The following FAN1 variants were observed in gnomAD, a reference collection of about 807,000 sequenced individuals.
The protein encoded by FAN1 is fanconi-associated nuclease 1.
A neutral mutation model predicts 104.9 loss-of-function variants in FAN1; 91 were observed. That is an observed-to-expected ratio of 0.87 (90% CI 0.73 to 1.03). The LOEUF (loss-of-function observed/expected upper bound fraction) is 1.03, where lower values mean the gene tolerates loss of function less well. Among genes scored for constraint, FAN1 ranks in the 50% least tolerant of loss-of-function variants. The pLI is 0.00. For synonymous variants in FAN1, 478 were observed against 457.6 expected, an observed-to-expected ratio of 1.04 and a Z score of -0.57; for missense variants, 1,263 against 1,239.9, an observed-to-expected ratio of 1.02 and a Z score of -0.28.
chr15:30,929,591 TTA>T (rs1411582494), intron 12 of FAN1, among the ~76,000 whole-genome samples, 194 bp downstream of exon 12: 2 of 130,954 alleles, frequency 1.5e-5, no homozygotes, highest in Non-Finnish European at 3.1e-5. Flanking sequence ...ATATTATATA[TTA>T]TATATTACAT....
At chr15:30,937,447 C>CTTTTTTT (rs11317050) in intron 14 of FAN1, among the ~76,000 whole-genome samples, 188 bp downstream of exon 14, 1 of 78,978 alleles carries the variant, frequency 1.3e-5, no homozygotes, top group Non-Finnish European at 2.4e-5. Flanking sequence ...GGGTAATAAA[C>CTTTTTTT]TTTTTTTTTT....
rs752820596 is a variant in FAN1 at position 30,904,690 on chromosome 15, C to CA, written c.34dup (p.Arg12LysfsTer4). On this transcript the variant is annotated frameshift_variant, in exon 2 of 15. Transcript: ENST00000362065. LOFTEE classifies it high-confidence loss of function. The stretch of plus-strand genomic sequence containing the variant: ...TGATGTCAGAAGGGAAACCTCCTGA[C>CA]AAAAAAAGGCCTCGTAGAAGCTTAT... 43 of 1,603,202 alleles carry CA rather than the reference C, an allele frequency of 2.7e-5. No individual in the cohort carries two copies. Among genetic ancestry groups the CA allele is most frequent in the African/African-American group, 2.6e-4 (19 of 73,934 alleles).
In FAN1 at chr15:30,909,631, A is replaced by G. The variant is rs577170536; in HGVS notation, c.1376-983A>G. Reference sequence around the variant, plus strand: ...ACTCAGTCAAGTGCAAGTCCCATCCATGCTCCAGCCCCATGGGGCCTGGCT... The same window carrying G: ...ACTCAGTCAAGTGCAAGTCCCATCCGTGCTCCAGCCCCATGGGGCCTGGCT... On this transcript the variant is annotated intron_variant, in intron 3 of 14. Transcript: ENST00000362065. Among the ~76,000 whole-genome samples the G allele has an allele frequency of 2.6e-5, 4 of 152,318 alleles. No individual in the cohort carries two copies. In the South Asian group the frequency reaches 6.2e-4, roughly 24 times the overall value.
chr15:30,929,960 TATA>T (rs1250080403), intron 12 of FAN1, among the ~76,000 whole-genome samples: 11 of 123,972 alleles, frequency 8.9e-5, no homozygotes, highest in African/African-American at 1.7e-4. Context: ...ATATATATCA[TATA>T]ATATATAAAA....
intron 14 of FAN1, chr15:30,941,358 C>A: frequency 6.5e-7 from 1 of 1,536,954 alleles, no homozygotes; most frequent in Non-Finnish European, 8.7e-7. Flanking sequence ...CAAATTCCAA[C>A]TATTATTCTT....
At chr15:30,918,430 C>T (rs1046742942) in intron 6 of FAN1, 135 bp downstream of exon 6, 46 of 844,314 alleles carry the variant, frequency 5.4e-5, no homozygotes, top group Middle Eastern at 3.5e-4. Flanking sequence ...GAATTTTGTG[C>T]GTGCTTTGCC....
chr15:30,908,067 T>C, intron 2 of FAN1, 51 bp from the exon 3 acceptor site: 2 of 1,504,946 alleles, frequency 1.3e-6, no homozygotes, highest in Non-Finnish European at 1.8e-6. Context: ...TCACCTTAGG[T>C]TTAAAAGGTA....
chr15:30,930,421 C>A, intron 12 of FAN1, 122 bp from the exon 13 acceptor site: 1 of 1,156,316 alleles, frequency 8.6e-7, no homozygotes. Context: ...CATGGTGGGC[C>A]TGGGGTCCAT....
At chr15:30,907,377 G>A (rs2062004764) in intron 2 of FAN1, among the ~76,000 whole-genome samples, 1 of 152,054 alleles carries the variant, frequency 6.6e-6, no homozygotes, top group Admixed American at 6.6e-5. Flanking sequence ...AATTAGCCGG[G>A]CATGGTGGTG....
At chr15:30,906,856 C>T (rs2061991606) in intron 2 of FAN1, among the ~76,000 whole-genome samples, 1 of 152,162 alleles carries the variant, frequency 6.6e-6, no homozygotes, top group South Asian at 2.1e-4. Context: ...AGCACATTGG[C>T]TTTTCTATCC....
chr15:30,904,538 C>T lies in FAN1; in HGVS notation c.-126C>T. On this transcript the variant is annotated 5_prime_UTR_variant, in exon 2 of 15. Transcript: ENST00000362065. ...AAGAAGAAATTGTCGAGACGAATAA[C>T]ATGAGGTCATATAGAATCCCACTTT... 5.7e-6 allele frequency: 5 copies of T among 873,250 alleles called. No individual in the cohort carries two copies. Among genetic ancestry groups the T allele is most frequent in the Non-Finnish European group, 9.6e-6 (5 of 520,210 alleles). The allele number at this position is 873,250 out of a possible 1,614,324, so 54.1% of individuals were successfully genotyped here.
rs2062462015 is a variant in FAN1 at position 30,926,325 on chromosome 15, G to A, written c.2488+386G>A. 4.6e-5 allele frequency among the ~76,000 whole-genome samples: 7 copies of A among 152,174 alleles called. No individual in the cohort carries two copies. The South Asian group carries it at 1.4e-3, about 32-fold the overall frequency. On this transcript the variant is annotated intron_variant, in intron 10 of 14. Transcript: ENST00000362065. ...GAAGCTGGCCCCAGATATCCTCTCAGGGGCCCTGCGGCCCATGCTAGTCGC... is the reference window on the plus strand; with the variant it reads ...GAAGCTGGCCCCAGATATCCTCTCAAGGGCCCTGCGGCCCATGCTAGTCGC...
intron 5 of FAN1, among the ~76,000 whole-genome samples, chr15:30,915,354 AG>A (rs1279479629): frequency 1.3e-5 from 2 of 152,226 alleles, no homozygotes; most frequent in Non-Finnish European, 2.9e-5. Context: ...GCAGCTAGGT[AG>A]AAGGAATAAG....
rs2063076060 is a variant in FAN1 at position 30,942,142 on chromosome 15, A to C, written c.*580A>C. The C allele has an allele frequency of 1.3e-6, 2 of 1,486,066 alleles. No individual in the cohort carries two copies. The highest frequency in any genetic ancestry group is 2.0e-5 in the Admixed American group (1 of 49,396). The allele number at this position is 1,486,066 out of a possible 1,614,324, so 92.1% of individuals were successfully genotyped here. On this transcript the variant is annotated 3_prime_UTR_variant, in exon 15 of 15. Transcript: ENST00000362065. ...GAAAGATTGAAGGATGCAATGGCAA[A>C]TATAAACTCAATACTATGAAAAATT...
chr15:30,925,649 G>C, intron 9 of FAN1, 140 bp from the exon 10 acceptor site: 1 of 968,152 alleles, frequency 1.0e-6, no homozygotes, highest in Non-Finnish European at 1.6e-6. Context: ...GCAGTTCTGC[G>C]TGTGTGAGCC....
rs749858778 is a variant in FAN1, at chr15:30,925,313, G to A, written c.2337+22G>A. The A allele has an allele frequency of 6.8e-6, 11 of 1,607,284 alleles. No homozygotes were observed. In the African/African-American group the frequency reaches 1.1e-4, roughly 16 times the overall value. ...ACACGTGAGGAAAGAGCCTGTGGGT[G>A]CTTTGGACTTAGGCGCGTGTACCTG... On this transcript the variant is annotated intron_variant, in intron 9 of 14. Transcript: ENST00000362065.
chr15:30,925,396 C>T (rs2062434929), intron 9 of FAN1, 105 bp downstream of exon 9: 2 of 1,111,970 alleles, frequency 1.8e-6, no homozygotes, highest in Non-Finnish European at 2.6e-6. Context: ...TTCTTTTAGA[C>T]TCGGAATAAT....
At chr15:30,941,017 C>T (rs2955792) in intron 14 of FAN1, 1,022,541 of 1,166,898 alleles carry the variant, frequency 0.88, 448,231 homozygotes, top group East Asian at 0.99. Context: ...CAATTAGAGA[C>T]GACAGAAAGT....
intron 6 of FAN1, among the ~76,000 whole-genome samples, chr15:30,918,901 C>T (rs976398595): frequency 6.6e-6 from 1 of 151,956 alleles, no homozygotes; most frequent in East Asian, 1.9e-4. Flanking sequence ...GTTGGGGTAC[C>T]GACCCCTCAG....
Sources: gnomAD v4.1 joint callset for allele counts (sites outside exome capture counted in the v4.1 genomes callset) on GRCh38, gnomAD v4.1.1 for gene constraint, MANE v1.5 for transcripts, NCBI Gene and HGNC (gene_info 2026-07-23, HGNC 2026-07-21) for gene names.